Variants in LPAR1 observed in about 807,000 individuals in gnomAD.
The protein encoded by LPAR1 is lysophosphatidic acid receptor 1.
Under a neutral mutation model 23.8 loss-of-function variants are expected in LPAR1, and 5 were observed. That is an observed-to-expected ratio of 0.21 (90% confidence interval 0.11 to 0.44). LPAR1 has a LOEUF of 0.44. Among genes scored for constraint, LPAR1 ranks in the 20% least tolerant of loss-of-function variants. LPAR1 has a pLI of 0.99. For missense variants in LPAR1, 311 were observed against 482.8 expected (o/e 0.64, Z 3.33); for synonymous variants, 160 against 164.7 (o/e 0.97, Z 0.22).
intron 5 of LPAR1, among the ~76,000 whole-genome samples, chr9:110,900,079 C>T (rs2088171305): frequency 6.6e-6 from 1 of 152,200 alleles, no homozygotes; most frequent in Non-Finnish European, 1.5e-5. Flanking sequence ...TCTGCTGTAA[C>T]AAATTATCAC....
chr9:110,993,122 AAACT>A (rs1031459287), intron 2 of LPAR1, among the ~76,000 whole-genome samples: 6 of 152,264 alleles, frequency 3.9e-5, no homozygotes, highest in Admixed American at 1.3e-4. Flanking sequence ...CACTAACCAC[AAACT>A]AATTTTTTTT....
chr9:110,896,313 G>A (rs1303402432), intron 5 of LPAR1, among the ~76,000 whole-genome samples: 1 of 151,942 alleles, frequency 6.6e-6, no homozygotes, highest in Non-Finnish European at 1.5e-5. Context: ...GGTCATTTGT[G>A]GCCTTTTGAT....
intron 2 of LPAR1, among the ~76,000 whole-genome samples, chr9:111,034,029 C>T (rs931624452): frequency 1.7e-4 from 26 of 152,158 alleles, no homozygotes; most frequent in African/African-American, 6.0e-4. Flanking sequence ...AATACCTCTC[C>T]CAAATGGATC....
intron 4 of LPAR1, among the ~76,000 whole-genome samples, chr9:110,949,954 A>G (rs952328989): frequency 5.3e-5 from 8 of 152,214 alleles, no homozygotes; most frequent in African/African-American, 1.9e-4. Context: ...GCCAATGATC[A>G]TCTCAAAAGA....
At chr9:110,886,434 A>C (rs2082435398) in intron 5 of LPAR1, among the ~76,000 whole-genome samples, 1 of 151,610 alleles carries the variant, frequency 6.6e-6, no homozygotes, top group African/African-American at 2.4e-5. Flanking sequence ...AAAAAAAAAA[A>C]AACAATGCTA....
At chr9:110,879,491 GAAGAT>G (rs1241179028) in intron 5 of LPAR1, among the ~76,000 whole-genome samples, 6 of 149,846 alleles carry the variant, frequency 4.0e-5, no homozygotes, top group African/African-American at 1.5e-4. Context: ...AGAAGTAGCA[GAAGAT>G]AAGATGTCCA....
intron 3 of LPAR1, among the ~76,000 whole-genome samples, chr9:110,972,641 G>A (rs1231701281): frequency 1.3e-5 from 2 of 152,124 alleles, no homozygotes; most frequent in Non-Finnish European, 2.9e-5. Flanking sequence ...AAGCCCCCCA[G>A]TGGATACTTG....
intron 5 of LPAR1, among the ~76,000 whole-genome samples, chr9:110,902,443 T>G (rs2089572416): frequency 6.6e-6 from 1 of 152,156 alleles, no homozygotes; most frequent in Non-Finnish European, 1.5e-5. Context: ...TTTCCCACTT[T>G]GCTCAGCACT....
rs1007158884 is a variant in LPAR1, at chr9:110,875,022, T to C, written c.*399A>G. On this transcript the variant is annotated 3_prime_UTR_variant, in exon 6 of 6. Coordinates refer to ENST00000683809, the MANE Select transcript of LPAR1 (RefSeq NM_001351411.2). ...GTGTTTATTAAGTGAAACGTATCCTTTAAAAATAAAAAAGGGAAGCCTGTA... is the reference window on the plus strand; with the variant it reads ...GTGTTTATTAAGTGAAACGTATCCTCTAAAAATAAAAAAGGGAAGCCTGTA... 2 of 156,144 alleles carry C rather than the reference T, an allele frequency of 1.3e-5. No individual in the cohort carries two copies. The highest frequency in any genetic ancestry group is 4.8e-5 in the African/African-American group (2 of 41,586). 9.7% of individuals were successfully genotyped at this position (156,144 alleles called of 1,614,324 possible). A position where few individuals can be genotyped will look rare whatever the true frequency, so the allele number is the denominator to read the frequency against.
At chr9:111,003,592 G>C (rs2097166987) in intron 2 of LPAR1, among the ~76,000 whole-genome samples, 2 of 152,282 alleles carry the variant, frequency 1.3e-5, no homozygotes, top group Non-Finnish European at 2.9e-5. Context: ...TCTTTGGGGA[G>C]GGTAAGATAA....
At chr9:110,907,090 A>T (rs73537548) in intron 5 of LPAR1, among the ~76,000 whole-genome samples, 11,595 of 152,242 alleles carry the variant, frequency 0.076, 1,469 homozygotes, top group African/African-American at 0.26. Context: ...AATTACATTG[A>T]TCGTATTATC....
chr9:110,970,715 C>T (rs994170099), intron 4 of LPAR1, among the ~76,000 whole-genome samples: 4 of 152,236 alleles, frequency 2.6e-5, no homozygotes, highest in Admixed American at 6.5e-5. Context: ...CAAACCCCTA[C>T]TTAAAATACA....
At chr9:111,004,776 C>T (rs1403565452) in intron 2 of LPAR1, among the ~76,000 whole-genome samples, 1 of 152,184 alleles carries the variant, frequency 6.6e-6, no homozygotes, top group Admixed American at 6.5e-5. Context: ...CTTATCCATA[C>T]CAATCAATTC....
At chr9:111,005,266 A>G (rs1377957376) in intron 2 of LPAR1, among the ~76,000 whole-genome samples, 1 of 151,606 alleles carries the variant, frequency 6.6e-6, no homozygotes, top group Non-Finnish European at 1.5e-5. Flanking sequence ...AAATCCTTTC[A>G]ATTGTTAAGA....
intron 2 of LPAR1, among the ~76,000 whole-genome samples, chr9:111,031,532 GC>G (rs2097795587): frequency 6.6e-6 from 1 of 152,040 alleles, no homozygotes; most frequent in African/African-American, 2.4e-5. Flanking sequence ...AATAGCTTGA[GC>G]CCAGGAGGTC....
chr9:111,005,151 C>CA (rs71371700), intron 2 of LPAR1, among the ~76,000 whole-genome samples: 2,468 of 73,712 alleles, frequency 0.033, 91 homozygotes, highest in African/African-American at 0.094. Context: ...GACAAAGTCT[C>CA]AAAAAAAAAA....
intron 2 of LPAR1, among the ~76,000 whole-genome samples, chr9:110,984,781 AG>A (rs2096746106): frequency 2.0e-5 from 3 of 151,310 alleles, no homozygotes; most frequent in Non-Finnish European, 2.9e-5. Flanking sequence ...CAAAAAAAAA[AG>A]AATGCAGTTT....
intron 2 of LPAR1, among the ~76,000 whole-genome samples, chr9:111,011,771 G>T (rs532093848): frequency 1.8e-3 from 274 of 152,270 alleles, no homozygotes; most frequent in African/African-American, 6.5e-3. Flanking sequence ...TTAATGTTTG[G>T]ATATGAGGTG....
At chr9:110,881,605 T>A (rs1451938965) in intron 5 of LPAR1, among the ~76,000 whole-genome samples, 1 of 152,176 alleles carries the variant, frequency 6.6e-6, no homozygotes. Flanking sequence ...CACATTGAAA[T>A]GACTTGAATG....
Sources: gnomAD v4.1 joint callset for allele counts (sites outside exome capture counted in the v4.1 genomes callset) on GRCh38, gnomAD v4.1.1 for gene constraint, MANE v1.5 for transcripts, NCBI Gene and HGNC (gene_info 2026-07-23, HGNC 2026-07-21) for gene names.